The following PDE1C variants were observed in gnomAD, a reference collection of about 807,000 sequenced individuals.
PDE1C encodes dual specificity calcium/calmodulin-dependent 3',5'-cyclic nucleotide phosphodiesterase 1C.
A neutral mutation model predicts 93.1 loss-of-function variants in PDE1C; 62 were observed. The observed-to-expected ratio is 0.67, with a 90% CI of 0.54 to 0.82. The LOEUF (loss-of-function observed/expected upper bound fraction) is 0.82, where lower values mean the gene tolerates loss of function less well. Ranked by LOEUF, PDE1C falls within the 40% of genes least tolerant of loss-of-function variation. The pLI, the probability that PDE1C is intolerant of heterozygous loss-of-function variation, is 0.00. For missense variants in PDE1C, 742 were observed against 884.6 expected (o/e 0.84, Z 2.04); for synonymous variants, 325 against 310.1 (o/e 1.05, Z -0.50).
intron 2 of PDE1C, among the ~76,000 whole-genome samples, chr7:31,956,391 C>A (rs1808148610): frequency 6.6e-6 from 1 of 151,962 alleles, no homozygotes; most frequent in Non-Finnish European, 1.5e-5. Context: ...TGCACCCAGC[C>A]CCTTTTTCTC....
At chr7:32,192,395 G>C (rs1038483835) in intron 2 of PDE1C, among the ~76,000 whole-genome samples, 1 of 151,988 alleles carries the variant, frequency 6.6e-6, no homozygotes, top group African/African-American at 2.4e-5. Context: ...GTCAAGGTTC[G>C]TATTTTTGTT....
At chr7:31,817,037 G>A (rs953736837) in intron 14 of PDE1C, among the ~76,000 whole-genome samples, 1 of 152,156 alleles carries the variant, frequency 6.6e-6, no homozygotes. Context: ...TTTTAGGTAC[G>A]AGGAATACAG....
At chr7:31,647,490 C>T in the PDE1C span, among the ~76,000 whole-genome samples, 19 of 136,200 alleles carry the variant, frequency 1.4e-4, no homozygotes, top group East Asian at 2.0e-3. Flanking sequence ...GGCAAAACCC[C>T]GTCTCCATTA....
intron 3 of PDE1C, among the ~76,000 whole-genome samples, chr7:32,111,379 T>C (rs937556889): frequency 6.6e-6 from 1 of 152,146 alleles, no homozygotes; most frequent in Non-Finnish European, 1.5e-5. Context: ...TCATAGCATT[T>C]TAAAGACACA....
chr7:31,782,462 G>A (rs937239183), intron 16 of PDE1C, among the ~76,000 whole-genome samples: 1 of 152,120 alleles, frequency 6.6e-6, no homozygotes, highest in African/African-American at 2.4e-5. Context: ...TTAAAAATAT[G>A]TTTCAGTGAA....
intron 3 of PDE1C, among the ~76,000 whole-genome samples, chr7:32,088,836 G>T (rs1330771353): frequency 6.6e-6 from 1 of 152,198 alleles, no homozygotes; most frequent in East Asian, 1.9e-4. Context: ...GACTCATGCT[G>T]TTCACCTTTG....
intron 3 of PDE1C, chr7:32,077,893 G>C: frequency 1.0e-6 from 1 of 985,302 alleles, no homozygotes; most frequent in South Asian, 4.7e-5. Context: ...ATGAGGTGGT[G>C]AAGGTCCAAG....
At chr7:32,225,285 G>A (rs867631069) in intron 1 of PDE1C, among the ~76,000 whole-genome samples, 4 of 151,714 alleles carry the variant, frequency 2.6e-5, no homozygotes, top group African/African-American at 7.3e-5. Context: ...TTTTCTTTTC[G>A]TCTCCCTTTG....
At chr7:31,643,587 G>T in the PDE1C span, 1 of 1,614,036 alleles carries the variant, frequency 6.2e-7, no homozygotes, top group Non-Finnish European at 8.5e-7. Context: ...AATGCACTGT[G>T]TGTGATCCTG....
chr7:32,147,068 T>G (rs1800883449), intron 3 of PDE1C, among the ~76,000 whole-genome samples: 1 of 151,574 alleles, frequency 6.6e-6, no homozygotes, highest in Admixed American at 6.6e-5. Context: ...CATCGCTAAG[T>G]AAATTAGAAA....
chr7:31,712,285 A>AAT, the PDE1C span, among the ~76,000 whole-genome samples: 301 of 140,336 alleles, frequency 2.1e-3, 2 homozygotes, highest in African/African-American at 8.2e-3. Flanking sequence ...TGAGTGAGTG[A>AAT]GTGAATGAAT....
intron 1 of PDE1C, among the ~76,000 whole-genome samples, chr7:32,349,632 A>AT (rs1324965455): frequency 6.6e-6 from 1 of 151,576 alleles, no homozygotes; most frequent in African/African-American, 2.4e-5. Flanking sequence ...TTAAAGTTGA[A>AT]ATTTTTTTTT....
chr7:31,886,255 C>T (rs79907603), intron 2 of PDE1C, among the ~76,000 whole-genome samples: 7,552 of 152,290 alleles, frequency 0.05, 291 homozygotes, highest in African/African-American at 0.11. Context: ...CATGTCACTC[C>T]TGTCCTCTGC....
At chr7:32,185,952 T>C (rs1803820972) in intron 2 of PDE1C, among the ~76,000 whole-genome samples, 1 of 152,220 alleles carries the variant, frequency 6.6e-6, no homozygotes, top group Non-Finnish European at 1.5e-5. Context: ...ATTGCCTTTT[T>C]AAAGTGGTAG....
intron 2 of PDE1C, among the ~76,000 whole-genome samples, chr7:32,192,350 A>G (rs184473258): frequency 1.3e-5 from 2 of 152,166 alleles, no homozygotes; most frequent in African/African-American, 4.8e-5. Context: ...CCCATGATCT[A>G]TTTTGAATTA....
chr7:32,220,199 G>A (rs186589633), intron 1 of PDE1C, among the ~76,000 whole-genome samples: 3 of 152,194 alleles, frequency 2.0e-5, no homozygotes, highest in African/African-American at 7.2e-5. Context: ...TGCTCAAGCT[G>A]TCAACTAATT....
At chr7:32,285,857 A>T (rs1458596079) in intron 1 of PDE1C, among the ~76,000 whole-genome samples, 1 of 151,480 alleles carries the variant, frequency 6.6e-6, no homozygotes, top group Non-Finnish European at 1.5e-5. Context: ...ATAAAACAAG[A>T]GTGGAAAAAA....
chr7:31,804,984 G>C (rs138399315), intron 16 of PDE1C, among the ~76,000 whole-genome samples: 423 of 151,836 alleles, frequency 2.8e-3, no homozygotes, highest in Admixed American at 0.01. Flanking sequence ...TCATGGGAGG[G>C]ACCCTCGGGG....
chr7:32,161,067 G>A (rs1801890133), intron 3 of PDE1C, among the ~76,000 whole-genome samples: 1 of 152,112 alleles, frequency 6.6e-6, no homozygotes, highest in Non-Finnish European at 1.5e-5. Flanking sequence ...TTTCATAGGA[G>A]GTTCGTGAGC....
Sources: gnomAD v4.1 joint callset for allele counts (sites outside exome capture counted in the v4.1 genomes callset) on GRCh38, gnomAD v4.1.1 for gene constraint, MANE v1.5 for transcripts, NCBI Gene and HGNC (gene_info 2026-07-23, HGNC 2026-07-21) for gene names.